Variants in NEIL1 observed in about 807,000 individuals in gnomAD.
NEIL1 encodes nei like DNA glycosylase 1, also known as endonuclease 8-like 1.
NEIL1 carries 31 observed loss-of-function variants against 44.2 expected under a neutral mutation model. That is an observed-to-expected ratio of 0.70 (90% confidence interval 0.53 to 0.95). The LOEUF (loss-of-function observed/expected upper bound fraction) is 0.95, where lower values mean the gene tolerates loss of function less well. NEIL1 is among the 40% of genes least tolerant of loss of function. The pLI is 0.00. For synonymous variants in NEIL1, 254 were observed against 209.7 expected, an observed-to-expected ratio of 1.21 and a Z score of -1.83; for missense variants, 549 against 515.5, an observed-to-expected ratio of 1.07 and a Z score of -0.63.
intron 2 of NEIL1, 95 bp downstream of exon 2, chr15:75,349,434 C>G: frequency 8.3e-7 from 1 of 1,207,880 alleles, no homozygotes; most frequent in South Asian, 1.5e-5. Context: ...GTCCCTGCCC[C>G]TTCTGGGCCT....
chr15:75,351,813 G>A, intron 2 of NEIL1: 2 of 335,666 alleles, frequency 6.0e-6, no homozygotes, highest in Non-Finnish European at 1.2e-5. Flanking sequence ...GTAGAGACAG[G>A]GTTTCACCAT....
chr15:75,348,762 T>C, intron 1 of NEIL1, 122 bp from the exon 2 acceptor site: 1 of 1,459,984 alleles, frequency 6.8e-7, no homozygotes, highest in Non-Finnish European at 9.0e-7. Context: ...CGCACTTTCC[T>C]GCCAGCCGCA....
In NEIL1 at chr15:75,354,718, G is replaced by T; in HGVS notation, c.1002G>T (p.Arg334Ser). ...TRRAKRDLPKRTATQRPEGTS... is the reference protein window; with the variant it reads ...TRRAKRDLPKSTATQRPEGTS... ...GGGCAAAGAGAGACCTTCCTAAGAG[G>T]ACTGCAACCCAGCGGCCTGAGGGGA... The change falls in exon 9 of 10, where the codon AGG becomes AGT. Residue 334 changes from arginine (R) to serine (S), a missense_variant. Physicochemically the swap from Arg to Ser is moderately radical, Grantham distance 110. Coordinates refer to ENST00000355059, the MANE Select transcript of NEIL1 (RefSeq NM_024608.4). 1 of 1,614,150 alleles carries T rather than the reference G, an allele frequency of 6.2e-7. No individual in the cohort carries two copies.
At position 75,355,050 on chromosome 15, in the gene NEIL1, G is replaced by GCTTGCACTCACCCTTTCTTATTGT. The variant is rs1262085412; in HGVS notation, c.*22_*45dup. The GCTTGCACTCACCCTTTCTTATTGT allele has an allele frequency of 6.2e-7, 1 of 1,610,752 alleles. No homozygotes were observed. Among genetic ancestry groups the GCTTGCACTCACCCTTTCTTATTGT allele is most frequent in the Non-Finnish European group, 8.5e-7 (1 of 1,177,976 alleles). Reference sequence around the variant, plus strand: ...AGCCTCTTAGCAGGAGGCTCTCCTTGCTTGCACTCACCCTTTCTTATTGTC... The same window carrying GCTTGCACTCACCCTTTCTTATTGT: ...AGCCTCTTAGCAGGAGGCTCTCCTTGCTTGCACTCACCCTTTCTTATTGTCTTGCACTCACCCTTTCTTATTGTC... On this transcript the variant is annotated 3_prime_UTR_variant, in exon 10 of 10. Transcript: ENST00000355059.
Position 75,356,013 on chromosome 15 carries a change from G to A in NEIL1, c.*979G>A. On this transcript the variant is annotated 3_prime_UTR_variant, in exon 10 of 10. Coordinates refer to ENST00000355059, the MANE Select transcript of NEIL1 (RefSeq NM_024608.4). The surrounding 1 kb of genome is among the most constrained non-coding windows in gnomAD (Gnocchi z 5.8). ...AGGGTCAAGTGGCCAGCAGGGTCTG[G>A]TCGCTCCAAGAGATCGCAGCTGGAG... 1 of 1,614,006 alleles carries A rather than the reference G, an allele frequency of 6.2e-7. No individual in the cohort carries two copies. The highest frequency in any genetic ancestry group is 8.5e-7 in the Non-Finnish European group (1 of 1,179,960).
intron 2 of NEIL1, among the ~76,000 whole-genome samples, chr15:75,350,182 GTCAC>G (rs1567235483): frequency 1.3e-5 from 2 of 152,228 alleles, no homozygotes. Context: ...TGTGATGCAG[GTCAC>G]CTCACATGGC....
Position 75,352,314 on chromosome 15 carries a change from C to T in NEIL1, c.555-10C>T. On this transcript the variant is annotated splice_polypyrimidine_tract_variant and intron_variant, in intron 3 of 9. Coordinates refer to ENST00000355059, the MANE Select transcript of NEIL1 (RefSeq NM_024608.4). ...ACTGCCTAGCATGGCTTGCCTTGCC[C>T]CCACTACAGGCTGAAGATCCCCCCC... 6.2e-7 allele frequency: 1 copy of T among 1,614,174 alleles called. No homozygotes were observed. Among genetic ancestry groups the T allele is most frequent in the Non-Finnish European group, 8.5e-7 (1 of 1,180,018 alleles).
Position 75,356,860 on chromosome 15 carries a change from C to G in NEIL1, c.*1826C>G, listed in dbSNP as rs1187153216. 6.2e-7 allele frequency: 1 copy of G among 1,614,144 alleles called. No individual in the cohort carries two copies. On this transcript the variant is annotated 3_prime_UTR_variant, in exon 10 of 10. Coordinates refer to ENST00000355059, the MANE Select transcript of NEIL1 (RefSeq NM_024608.4). The surrounding 1 kb of genome is among the most constrained non-coding windows in gnomAD (Gnocchi z 5.8). ...TTGCAGTCGTTGAGCAGGGCCAGCC[C>G]AAAGCCGTGTTCTGACAGATCCATC...
Position 75,349,072 on chromosome 15 carries a change from T to C in NEIL1, c.167T>C (p.Leu56Pro). ...TCAGCTTCAGCCCGCGGCAAGGAGCTGCGCCTGATACTGAGCCCTCTGCCT... is the reference window on the plus strand; with the variant it reads ...TCAGCTTCAGCCCGCGGCAAGGAGCCGCGCCTGATACTGAGCCCTCTGCCT... ...RISASARGKE[L>P]RLILSPLPGA... The change falls in exon 2 of 10, where the codon CTG becomes CCG. Residue 56 changes from leucine to proline, a missense_variant. Physicochemically the swap from Leu to Pro is moderately conservative, Grantham distance 98 (BLOSUM62 -3). Transcript: ENST00000355059. The C allele has an allele frequency of 6.2e-7, 1 of 1,613,228 alleles. No individual in the cohort carries two copies. Among genetic ancestry groups the C allele is most frequent in the Non-Finnish European group, 8.5e-7 (1 of 1,179,982 alleles).
chr15:75,355,922 T>G lies in NEIL1; in HGVS notation c.*888T>G. On this transcript the variant is annotated 3_prime_UTR_variant, in exon 10 of 10. Transcript: ENST00000355059. ...CCCAGGGACTCAGTGTGGCGGAGGCTGAAGCACGAGCAACAGGGACAGCAC... is the reference window on the plus strand; with the variant it reads ...CCCAGGGACTCAGTGTGGCGGAGGCGGAAGCACGAGCAACAGGGACAGCAC... 6.2e-7 allele frequency: 1 copy of G among 1,614,098 alleles called. No individual in the cohort carries two copies. The highest frequency in any genetic ancestry group is 8.5e-7 in the Non-Finnish European group (1 of 1,180,024).
At position 75,356,400 on chromosome 15, in the gene NEIL1, G is replaced by C. The variant is rs781613009; in HGVS notation, c.*1366G>C. On this transcript the variant is annotated 3_prime_UTR_variant, in exon 10 of 10. Coordinates refer to ENST00000355059, the MANE Select transcript of NEIL1 (RefSeq NM_024608.4). The surrounding 1 kb of genome is among the most constrained non-coding windows in gnomAD (Gnocchi z 5.8). ...TGGGGGCTGGCAGAGCCAACAGGGG[G>C]AAGTTTAGGCTGTAGGCAGCTTGGA... The C allele has an allele frequency of 3.1e-6, 5 of 1,610,648 alleles. No homozygotes were observed. The African/African-American group carries it at 5.3e-5, about 17-fold the overall frequency.
At chr15:75,353,531 A>AG (rs1414945075) in intron 5 of NEIL1, 5 of 702,888 alleles carry the variant, frequency 7.1e-6, no homozygotes, top group Non-Finnish European at 1.1e-5. Context: ...GGCCAGGACA[A>AG]GGATTCTTAA....
chr15:75,352,071 G>A (rs2071941428), intron 2 of NEIL1, 40 bp from the exon 3 acceptor site: 1 of 1,601,628 alleles, frequency 6.2e-7, no homozygotes, highest in African/African-American at 1.3e-5. Flanking sequence ...CCCATGGAGG[G>A]TGGGGATGGG....
chr15:75,348,460 G>A, intron 1 of NEIL1: 2 of 1,027,812 alleles, frequency 1.9e-6, no homozygotes, highest in Non-Finnish European at 2.3e-6. Context: ...CGTGTGCGGA[G>A]GGGGTGCTCC....
intron 5 of NEIL1, chr15:75,353,354 T>G (rs572621292): frequency 3.1e-6 from 1 of 322,864 alleles, no homozygotes; most frequent in South Asian, 2.6e-5. Flanking sequence ...TCTAAGTAGC[T>G]AGGACTACAG....
intron 2 of NEIL1, 96 bp from the exon 3 acceptor site, chr15:75,352,015 C>T: frequency 8.2e-7 from 1 of 1,225,658 alleles, no homozygotes; most frequent in South Asian, 1.2e-5. Context: ...TCCCAGTTTC[C>T]TTCCCCTTGC....
At chr15:75,352,529 A>G in intron 4 of NEIL1, 73 bp from the exon 5 acceptor site, 2 of 1,548,322 alleles carry the variant, frequency 1.3e-6, no homozygotes, top group South Asian at 1.1e-5. Context: ...AGTCTGACCA[A>G]GCTCAGAGAG....
In NEIL1 at chr15:75,349,040, C is replaced by A; in HGVS notation, c.135C>A (p.Tyr45Ter). The change falls in exon 2 of 10, where the codon TAC becomes TAA. Residue 45 changes from tyrosine to a stop codon, truncating the protein, a stop_gained. Transcript: ENST00000355059. LOFTEE classifies it high-confidence loss of function. The part of the protein sequence containing the change: ...NPEVPFESSA[Y>*]RISASARGKE... ...AGGTGCCCTTTGAGAGCAGTGCCTA[C>A]CGCATCTCAGCTTCAGCCCGCGGCA... 1 of 1,613,734 alleles carries A rather than the reference C, an allele frequency of 6.2e-7. No individual in the cohort carries two copies. Among genetic ancestry groups the A allele is most frequent in the Non-Finnish European group, 8.5e-7 (1 of 1,180,018 alleles).
rs553937925 is a variant in NEIL1 at position 75,355,104 on chromosome 15, T to G, written c.*70T>G. 12 of 1,414,588 alleles carry G rather than the reference T, an allele frequency of 8.5e-6. No individual in the cohort carries two copies. The South Asian group carries it at 1.2e-4, about 14-fold the overall frequency. 87.6% of individuals were successfully genotyped at this position (1,414,588 alleles called of 1,614,324 possible). A position where few individuals can be genotyped will look rare whatever the true frequency, so the allele number is the denominator to read the frequency against. On this transcript the variant is annotated 3_prime_UTR_variant, in exon 10 of 10. Coordinates refer to ENST00000355059, the MANE Select transcript of NEIL1 (RefSeq NM_024608.4). ...CCCTGCATCTGGGGGTCTGAATTTT[T>G]GGGAGCAGGCAATATCTGAAGGTGC...
Sources: gnomAD v4.1 joint callset for allele counts (sites outside exome capture counted in the v4.1 genomes callset) on GRCh38, gnomAD v4.1.1 for gene constraint, Gnocchi (gnomAD v3.1) non-coding constraint, MANE v1.5 for transcripts, NCBI Gene and HGNC (gene_info 2026-07-23, HGNC 2026-07-21) for gene names.